The following UBE2R2 variants were observed in gnomAD, a reference collection of about 807,000 sequenced individuals.
UBE2R2 encodes the protein ubiquitin-conjugating enzyme E2 R2.
In UBE2R2, 1 loss-of-function variant was observed where a neutral mutation model predicts 27.8. The ratio of observed to expected loss-of-function variants is 0.04; its 90% CI spans 0.01 to 0.17. UBE2R2 has a LOEUF of 0.17. UBE2R2 is among the 10% of genes least tolerant of loss of function. The pLI, the probability that UBE2R2 is intolerant of heterozygous loss-of-function variation, is 1.00. For synonymous variants in UBE2R2, 106 were observed against 113.3 expected, an observed-to-expected ratio of 0.94 and a Z score of 0.41; for missense variants, 100 against 291.0, an observed-to-expected ratio of 0.34 and a Z score of 4.78.
intron 1 of UBE2R2, among the ~76,000 whole-genome samples, chr9:33,826,015 C>T (rs1403686327): frequency 6.6e-6 from 1 of 151,976 alleles, no homozygotes; most frequent in African/African-American, 2.4e-5. Context: ...TGGTGGCATG[C>T]GCCTGTAGTC....
intron 3 of UBE2R2, among the ~76,000 whole-genome samples, chr9:33,903,275 A>C (rs1449488563): frequency 3.3e-5 from 5 of 152,198 alleles, no homozygotes; most frequent in African/African-American, 1.2e-4. Context: ...CATCCAAAAA[A>C]ATCCCCAGTT....
Position 33,917,788 on chromosome 9 carries a change from TTC to T in UBE2R2, c.*553_*554del, listed in dbSNP as rs1210264029. 2 of 155,524 alleles carry T rather than the reference TTC, an allele frequency of 1.3e-5. No individual in the cohort carries two copies. Among genetic ancestry groups the T allele is most frequent in the African/African-American group, 4.8e-5 (2 of 41,530 alleles). The allele number at this position is 155,524 out of a possible 1,614,324, so 9.6% of individuals were successfully genotyped here. A position where few individuals can be genotyped will look rare whatever the true frequency, so the allele number is the denominator to read the frequency against. On this transcript the variant is annotated 3_prime_UTR_variant, in exon 5 of 5. Transcript: ENST00000263228. ...ATTCGTTCAGCCCCATGGTGGTGAA[TTC>T]TGTTTCTTTCCTTTCCTAAGGCTGG... is the stretch of plus-strand genomic sequence containing the variant.
rs959297785 is a variant in UBE2R2, at chr9:33,817,199, C to A, written c.-559C>A. Among the ~76,000 whole-genome samples, 1 of 148,534 alleles carries A rather than the reference C, an allele frequency of 6.7e-6. No individual in the cohort carries two copies. The highest frequency in any genetic ancestry group is 2.1e-4 in the East Asian group (1 of 4,864). On this transcript the variant is annotated 5_prime_UTR_variant, in exon 1 of 5. Transcript: ENST00000263228. ...TTGCTCCCGCGGCGCGAGGCGCTCT[C>A]GCTCTCCTCCTCCTCCGCCGTCGCC... is the stretch of plus-strand genomic sequence containing the variant.
intron 1 of UBE2R2, among the ~76,000 whole-genome samples, chr9:33,855,853 G>A (rs769952471): frequency 2.6e-5 from 4 of 152,186 alleles, no homozygotes; most frequent in Non-Finnish European, 5.9e-5. Context: ...CAAGGTGGGC[G>A]GATCACTTGA....
chr9:33,877,180 ATTT>A (rs34711764), intron 1 of UBE2R2, among the ~76,000 whole-genome samples: 289 of 114,826 alleles, frequency 2.5e-3, no homozygotes, highest in Middle Eastern at 5.2e-3. Flanking sequence ...TTATGATTGA[ATTT>A]TTTTTTTTTT....
chr9:33,910,406 C>A (rs1822458433), intron 3 of UBE2R2, among the ~76,000 whole-genome samples: 2 of 152,192 alleles, frequency 1.3e-5, no homozygotes, highest in African/African-American at 4.8e-5. Context: ...CTCAGCCTCC[C>A]AAAGTGCTGG....
chr9:33,908,506 T>TC (rs1216159755), intron 3 of UBE2R2, among the ~76,000 whole-genome samples: 1 of 129,062 alleles, frequency 7.7e-6, no homozygotes, highest in African/African-American at 2.5e-5. Context: ...AGAAAAAAGA[T>TC]CCTGCTCTTC....
intron 1 of UBE2R2, among the ~76,000 whole-genome samples, chr9:33,856,599 T>A (rs1039868954): frequency 1.3e-5 from 2 of 152,072 alleles, no homozygotes; most frequent in African/African-American, 4.8e-5. Context: ...GATAGCAATA[T>A]CAAGTGTTTA....
Position 33,864,634 on chromosome 9 carries a change from C to T in UBE2R2, c.178-22247C>T, listed in dbSNP as rs531031323. Among the ~76,000 whole-genome samples the T allele has an allele frequency of 1.1e-4, 16 of 151,986 alleles. No individual in the cohort carries two copies. The East Asian group carries it at 2.7e-3, about 26-fold the overall frequency. On this transcript the variant is annotated intron_variant, in intron 1 of 4. Coordinates refer to ENST00000263228, the MANE Select transcript of UBE2R2 (RefSeq NM_017811.4). ...TTGCAGTCATAGTCCACTGCTGCCA[C>T]GAATTCCTGGGCTCAAACTATTCTC...
intron 1 of UBE2R2, among the ~76,000 whole-genome samples, chr9:33,822,776 T>A (rs1820179280): frequency 6.6e-6 from 1 of 152,102 alleles, no homozygotes; most frequent in Non-Finnish European, 1.5e-5. Flanking sequence ...ATGCTTCATT[T>A]GTTTTGCAAT....
chr9:33,845,942 A>G (rs1820835745), intron 1 of UBE2R2, among the ~76,000 whole-genome samples: 1 of 152,116 alleles, frequency 6.6e-6, no homozygotes, highest in African/African-American at 2.4e-5. Context: ...GGAGATCAAG[A>G]CCATGGTGAA....
intron 2 of UBE2R2, among the ~76,000 whole-genome samples, chr9:33,893,017 G>C (rs542349867): frequency 2.6e-4 from 39 of 152,280 alleles, no homozygotes; most frequent in Non-Finnish European, 5.1e-4. Flanking sequence ...CGAAGTTTCA[G>C]TGAGCTATAA....
intron 1 of UBE2R2, among the ~76,000 whole-genome samples, chr9:33,869,691 C>G (rs1412997319): frequency 6.6e-6 from 1 of 152,086 alleles, no homozygotes; most frequent in Non-Finnish European, 1.5e-5. Flanking sequence ...CTCAGGTGAT[C>G]TGCCCACCTC....
At chr9:33,819,644 CTTTTTT>C (rs34319188) in intron 1 of UBE2R2, among the ~76,000 whole-genome samples, 1 of 148,394 alleles carries the variant, frequency 6.7e-6, no homozygotes, top group Admixed American at 6.7e-5. Flanking sequence ...TGATACCTTT[CTTTTTT>C]TTTTTTGAGA....
intron 1 of UBE2R2, among the ~76,000 whole-genome samples, chr9:33,850,567 A>G (rs1820944472): frequency 6.6e-6 from 1 of 152,104 alleles, no homozygotes; most frequent in Non-Finnish European, 1.5e-5. Flanking sequence ...TGACTTGCAT[A>G]TCTAGCTTCC....
intron 4 of UBE2R2, among the ~76,000 whole-genome samples, chr9:33,914,832 A>AG (rs1822600134): frequency 6.6e-6 from 1 of 151,584 alleles, no homozygotes; most frequent in Admixed American, 6.6e-5. Context: ...CCGTCTCAAA[A>AG]GAAAAAAAAA....
At chr9:33,881,156 TC>T (rs1439011245) in intron 1 of UBE2R2, among the ~76,000 whole-genome samples, 3 of 152,218 alleles carry the variant, frequency 2.0e-5, no homozygotes, top group African/African-American at 7.2e-5. Context: ...TGTGAATTGA[TC>T]CCCTTATGAA....
intron 1 of UBE2R2, among the ~76,000 whole-genome samples, chr9:33,866,353 C>G (rs910856148): frequency 6.6e-6 from 1 of 151,794 alleles, no homozygotes; most frequent in African/African-American, 2.4e-5. Context: ...GTTCTCCTGT[C>G]TCAGCCTCCC....
At chr9:33,910,315 A>G (rs1455915861) in intron 3 of UBE2R2, among the ~76,000 whole-genome samples, 4 of 151,664 alleles carry the variant, frequency 2.6e-5, no homozygotes, top group Middle Eastern at 6.8e-3. Context: ...CACCTGGCTA[A>G]TTTTTGTATT....
Sources: allele counts gnomAD v4.1 joint callset (sites outside exome capture counted in the v4.1 genomes callset), GRCh38; gene constraint gnomAD v4.1.1; transcripts MANE v1.5; gene names NCBI Gene and HGNC (gene_info 2026-07-23, HGNC 2026-07-21).